The following PTGR1 variants were observed in gnomAD, a reference collection of about 807,000 sequenced individuals.
PTGR1 encodes the protein prostaglandin reductase 1, also known as 15-oxoprostaglandin 13-reductase.
In PTGR1, 23 loss-of-function variants were observed where a neutral mutation model predicts 37.7. That is an observed-to-expected ratio of 0.61 (90% CI 0.44 to 0.86). PTGR1 has a LOEUF of 0.86. Ranked by LOEUF, PTGR1 falls within the 40% of genes least tolerant of loss-of-function variation. PTGR1 has a pLI of 0.00. For synonymous variants in PTGR1, 134 were observed against 140.0 expected (o/e 0.96, Z 0.30); for missense variants, 351 against 394.3 (o/e 0.89, Z 0.93).
chr9:111,579,061 G>T, intron 6 of PTGR1, 110 bp from the exon 7 acceptor site: 2 of 1,046,546 alleles, frequency 1.9e-6, no homozygotes, highest in Non-Finnish European at 2.7e-6. Context: ...TCTCTTAGGT[G>T]CTGAGCCACA....
At chr9:111,577,026 G>A (rs142106129) in intron 7 of PTGR1, 3,138 of 152,198 alleles carry the variant, frequency 0.021, 34 homozygotes, top group South Asian at 0.034. Context: ...GGGAGGTGGA[G>A]GTTGCAGTGA....
chr9:111,585,280 CTAATA>C, intron 5 of PTGR1, among the ~76,000 whole-genome samples: 1 of 152,052 alleles, frequency 6.6e-6, no homozygotes, highest in Non-Finnish European at 1.5e-5. Flanking sequence ...TCAGGATCTC[CTAATA>C]TATTACAAAT....
intron 2 of PTGR1, among the ~76,000 whole-genome samples, chr9:111,596,926 C>CAAAAAAAAAAAA (rs71494900): frequency 1.1e-5 from 1 of 90,662 alleles, no homozygotes; most frequent in African/African-American, 4.6e-5. Context: ...GACTCTGTCT[C>CAAAAAAAAAAAA]AAAAAAAAAA....
At chr9:111,579,174 T>A (rs1163069269) in intron 6 of PTGR1, among the ~76,000 whole-genome samples, 1 of 151,732 alleles carries the variant, frequency 6.6e-6, no homozygotes, top group Admixed American at 6.6e-5. Context: ...ACCCAGCAGG[T>A]CCCTTCTGCA....
intron 4 of PTGR1, among the ~76,000 whole-genome samples, chr9:111,586,619 G>A (rs1227159545): frequency 6.6e-6 from 1 of 151,636 alleles, no homozygotes; most frequent in Non-Finnish European, 1.5e-5. Flanking sequence ...CTAGCTCCTT[G>A]CCCCTTCGTC....
At chr9:111,597,783 G>A (rs1160073834) in intron 1 of PTGR1, among the ~76,000 whole-genome samples, 2 of 152,138 alleles carry the variant, frequency 1.3e-5, no homozygotes, top group Non-Finnish European at 1.5e-5. Flanking sequence ...GTTTCTCTAC[G>A]GCACTGAACA....
intron 8 of PTGR1, among the ~76,000 whole-genome samples, chr9:111,572,133 C>T (rs963179850): frequency 9.9e-5 from 15 of 152,264 alleles, no homozygotes; most frequent in African/African-American, 3.6e-4. Context: ...GCCTAAAGTT[C>T]CCACTGATTA....
chr9:111,579,628 G>A (rs1458482323), intron 6 of PTGR1, among the ~76,000 whole-genome samples: 1 of 151,944 alleles, frequency 6.6e-6, no homozygotes, highest in South Asian at 2.1e-4. Flanking sequence ...GAACTCCTAG[G>A]CTCAAGTGAT....
At chr9:111,574,619 A>G in intron 8 of PTGR1, 115 bp downstream of exon 8, 3 of 727,106 alleles carry the variant, frequency 4.1e-6, no homozygotes, top group Non-Finnish European at 6.5e-6. Flanking sequence ...AAAAAAAAAA[A>G]AGAATATATG....
intron 1 of PTGR1, chr9:111,599,245 G>A (rs1475461397): frequency 6.6e-6 from 1 of 151,930 alleles, no homozygotes; most frequent in African/African-American, 2.4e-5. Flanking sequence ...GCCCATTCCC[G>A]AATCCCCACC....
chr9:111,563,884 G>T (rs1251559426), intron 9 of PTGR1: 1 of 152,472 alleles, frequency 6.6e-6, no homozygotes, highest in Non-Finnish European at 1.5e-5. Flanking sequence ...AATAGACAGA[G>T]AAAAGAGCAC....
At chr9:111,589,306 T>C in intron 4 of PTGR1, 1 of 716,734 alleles carries the variant, frequency 1.4e-6, no homozygotes, top group Non-Finnish European at 1.7e-6. Flanking sequence ...CAGTTTCCTC[T>C]AAATAAATCT....
intron 6 of PTGR1, among the ~76,000 whole-genome samples, chr9:111,581,652 T>G (rs1829283974): frequency 6.6e-6 from 1 of 152,088 alleles, no homozygotes; most frequent in Non-Finnish European, 1.5e-5. Context: ...TTTTTTTTAA[T>G]TTAGAGACAA....
chr9:111,593,511 C>T (rs554486535), intron 3 of PTGR1, among the ~76,000 whole-genome samples: 1 of 152,270 alleles, frequency 6.6e-6, no homozygotes, highest in East Asian at 1.9e-4. Context: ...TCCTCCCCTC[C>T]CTGAGTTGTC....
In PTGR1 at chr9:111,578,776, T is replaced by C. The variant is rs774321038; in HGVS notation, c.651+20A>G. On this transcript the variant is annotated intron_variant, in intron 7 of 9. Transcript: ENST00000407693. ...AGTACTTCCATAATAAATTAGATAT[T>C]AAGTCCAGTTTGTACTTACATTATC... is the stretch of plus-strand genomic sequence containing the variant. The C allele has an allele frequency of 1.9e-5, 30 of 1,585,898 alleles. No homozygotes were observed. Among genetic ancestry groups the C allele is most frequent in the Non-Finnish European group, 1.9e-5 (22 of 1,165,308 alleles).
At chr9:111,557,889 CT>C (rs1450926142), downstream of PTGR1, among the ~76,000 whole-genome samples, 2 of 152,140 alleles carry the variant, frequency 1.3e-5, no homozygotes, top group African/African-American at 4.8e-5. Flanking sequence ...TAGCTCATGC[CT>C]GTAATCCCAG....
rs114016088 is a variant in PTGR1, at chr9:111,553,810, C to G, written c.880-4011G>C. On this transcript the variant is annotated intron_variant, in intron 9 of 9. Transcript: ENST00000538962. ...TCCATTTCTCACTAGCCTCAAGTGA[C>G]TACCATATTAAGTTGCTCTACGCAA... Among the ~76,000 whole-genome samples, 304 of 152,318 alleles carry G rather than the reference C, an allele frequency of 2.0e-3. 1 individual carries two copies. Among genetic ancestry groups the G allele is most frequent in the African/African-American group, 7.0e-3 (291 of 41,564 alleles).
intron 2 of PTGR1, among the ~76,000 whole-genome samples, chr9:111,597,093 T>C (rs1389869816): frequency 6.6e-6 from 1 of 152,104 alleles, no homozygotes; most frequent in Non-Finnish European, 1.5e-5. Context: ...AGCCTGCTAA[T>C]CAGCAGACAT....
intron 4 of PTGR1, among the ~76,000 whole-genome samples, chr9:111,591,234 T>C (rs745424603): frequency 4.0e-5 from 6 of 150,498 alleles, no homozygotes; most frequent in African/African-American, 1.2e-4. Context: ...GAGGTAGAGG[T>C]TGCGGTGAGC....
Sources: gnomAD v4.1 joint callset for allele counts (sites outside exome capture counted in the v4.1 genomes callset) on GRCh38, gnomAD v4.1.1 for gene constraint, MANE v1.5 for transcripts, NCBI Gene and HGNC (gene_info 2026-07-23, HGNC 2026-07-21) for gene names.